LRCH3: variants seen among roughly 807,000 people sequenced by gnomAD.
LRCH3 encodes the protein DISP complex protein LRCH3.
LRCH3 carries 68 observed loss-of-function variants against 104.5 expected under a neutral mutation model. The observed-to-expected ratio is 0.65, with a 90% CI of 0.54 to 0.80. LRCH3 has a LOEUF of 0.80. Ranked by LOEUF, LRCH3 falls within the 30% of genes least tolerant of loss-of-function variation. LRCH3 has a pLI of 0.00. For missense variants in LRCH3, 951 were observed against 953.9 expected (o/e 1.00, Z 0.04); for synonymous variants, 344 against 361.3 (o/e 0.95, Z 0.54).
intron 5 of LRCH3, among the ~76,000 whole-genome samples, 171 bp downstream of exon 5, chr3:197,827,185 A>AGTGGAAGCATCAGGTAGACCATG (rs1735313681): frequency 1.3e-5 from 2 of 151,054 alleles, no homozygotes; most frequent in South Asian, 2.1e-4. Flanking sequence ...GGTAAACCAT[A>AGTGGAAGCATCAGGTAGACCATG]GTGGAAGCAT....
At chr3:197,815,325 C>T (rs528747524) in intron 2 of LRCH3, among the ~76,000 whole-genome samples, 2 of 152,256 alleles carry the variant, frequency 1.3e-5, no homozygotes, top group South Asian at 4.1e-4. Flanking sequence ...CATAATCCAC[C>T]AAACATTATA....
rs1318780913 is a variant in LRCH3 at position 197,854,542 on chromosome 3, A to C, written c.1644+97A>C. The C allele has an allele frequency of 8.8e-7, 1 of 1,135,288 alleles. No homozygotes were observed. The highest frequency in any genetic ancestry group is 2.4e-5 in the East Asian group (1 of 42,296). The allele number at this position is 1,135,288 out of a possible 1,614,324, so 70.3% of individuals were successfully genotyped here. ...CTAAATACCATAAAACATGATGAAC[A>C]TCATTACTAAATGCTTTATGAAGAA... On this transcript the variant is annotated intron_variant, in intron 14 of 20. Coordinates refer to ENST00000425562, the MANE Select transcript of LRCH3 (RefSeq NM_001365715.1). The surrounding 1 kb of genome is among the most constrained non-coding windows in gnomAD (Gnocchi z 4.5).
chr3:197,791,367 G>GC lies in LRCH3; in HGVS notation c.90dup (p.Gly31ArgfsTer106). ...GGAGGTAACCTCCCTGGTGTTCACT[G>GC]CGGCCCAAGCTCCGGGGCAGGCCCT... On this transcript the variant is annotated frameshift_variant, in exon 1 of 21. Transcript: ENST00000425562. LOFTEE classifies it high-confidence loss of function. 1.2e-6 allele frequency: 2 copies of GC among 1,602,448 alleles called. No individual in the cohort carries two copies. Among genetic ancestry groups the GC allele is most frequent in the Non-Finnish European group, 1.7e-6 (2 of 1,175,902 alleles).
chr3:197,844,679 G>A (rs144600076), intron 10 of LRCH3, among the ~76,000 whole-genome samples: 3 of 151,860 alleles, frequency 2.0e-5, no homozygotes, highest in East Asian at 3.9e-4. Context: ...GTGCAGTGGC[G>A]CGATCTTGAC....
At chr3:197,882,184 TGA>T in intron 20 of LRCH3, 2 of 985,438 alleles carry the variant, frequency 2.0e-6, no homozygotes, top group Non-Finnish European at 2.4e-6. Flanking sequence ...CACAGGCTTC[TGA>T]GTGTGAACAC....
chr3:197,851,631 C>T (rs1036190420), intron 12 of LRCH3, among the ~76,000 whole-genome samples: 1 of 152,120 alleles, frequency 6.6e-6, no homozygotes, highest in African/African-American at 2.4e-5. Context: ...TTAGGTTCCT[C>T]CTGTGTGTGA....
At chr3:197,865,621 C>G (rs995277201) in intron 16 of LRCH3, 150 bp downstream of exon 16, 1 of 464,670 alleles carries the variant, frequency 2.2e-6, no homozygotes, top group Admixed American at 4.1e-5. Flanking sequence ...CTGCCTTGTT[C>G]TCCCAAAGTG....
chr3:197,829,481 T>C lies in LRCH3; in HGVS notation c.778-83T>C, dbSNP rs1263117416. 14 of 777,774 alleles carry C rather than the reference T, an allele frequency of 1.8e-5. No individual in the cohort carries two copies. The Admixed American group carries it at 3.4e-4, about 19-fold the overall frequency. The allele number at this position is 777,774 out of a possible 1,614,324, so 48.2% of individuals were successfully genotyped here. On this transcript the variant is annotated intron_variant, in intron 5 of 20. Coordinates refer to ENST00000425562, the MANE Select transcript of LRCH3 (RefSeq NM_001365715.1). ...AGAAATGCCTCCCTTTCCCAATGTA[T>C]GTTACATAAAATGTTGATATGATAA...
chr3:197,820,405 A>G lies in LRCH3; in HGVS notation c.615A>G (p.Arg205=). The G allele has an allele frequency of 6.2e-7, 1 of 1,604,136 alleles. No homozygotes were observed. The highest frequency in any genetic ancestry group is 2.2e-5 in the East Asian group (1 of 44,814). ...CCTTGAGAGACCTTAATGTAAGAAGAAATCACCTAGTACATTTGCCTGAAG... is the reference window on the plus strand; with the variant it reads ...CCTTGAGAGACCTTAATGTAAGAAGGAATCACCTAGTACATTTGCCTGAAG... ...LEALRDLNVR[R]NHLVHLPEEL... is the part of the protein sequence containing the mutation. Residue 205 remains arginine (R), a synonymous_variant, in exon 4 of 21, where the codon AGA becomes AGG. Coordinates refer to ENST00000425562, the MANE Select transcript of LRCH3 (RefSeq NM_001365715.1).
In LRCH3 at chr3:197,813,522, T is replaced by C. The variant is rs1467205024; in HGVS notation, c.263-1386T>C. ...TGGGAGGCATATAATTTTTTTTTTT[T>C]TTTTTTTTTTTTTTTTTTTTTTTTT... On this transcript the variant is annotated intron_variant, in intron 1 of 20. Coordinates refer to ENST00000425562, the MANE Select transcript of LRCH3 (RefSeq NM_001365715.1). 9.3e-3 allele frequency among the ~76,000 whole-genome samples: 956 copies of C among 102,384 alleles called. 152 individuals are homozygous for C. The highest frequency in any genetic ancestry group is 0.04 in the African/African-American group (835 of 20,794). 67.2% of individuals were successfully genotyped at this position (102,384 alleles called of 152,430 possible).
At chr3:197,795,300 C>T (rs1374659298) in intron 1 of LRCH3, among the ~76,000 whole-genome samples, 1 of 152,158 alleles carries the variant, frequency 6.6e-6, no homozygotes, top group African/African-American at 2.4e-5. Flanking sequence ...AACCACCCCT[C>T]TCAGTTATAT....
At chr3:197,795,685 T>TG (rs1491357642) in intron 1 of LRCH3, among the ~76,000 whole-genome samples, 1 of 133,256 alleles carries the variant, frequency 7.5e-6, no homozygotes, top group African/African-American at 3.1e-5. Flanking sequence ...AAAAAGTTGT[T>TG]GTTTTTTTTT....
chr3:197,841,983 C>T (rs1351881654), intron 10 of LRCH3, among the ~76,000 whole-genome samples: 1 of 152,066 alleles, frequency 6.6e-6, no homozygotes, highest in Non-Finnish European at 1.5e-5. Context: ...CAGGCGTGTG[C>T]TACATACTCA....
chr3:197,837,036 T>G (rs1283205184), intron 9 of LRCH3, among the ~76,000 whole-genome samples: 2 of 152,158 alleles, frequency 1.3e-5, no homozygotes, highest in African/African-American at 4.8e-5. Flanking sequence ...TGAATACTTT[T>G]GAACACCGTA....
chr3:197,797,816 C>T (rs1286365776), intron 1 of LRCH3, among the ~76,000 whole-genome samples: 2 of 144,734 alleles, frequency 1.4e-5, no homozygotes, highest in South Asian at 2.2e-4. Context: ...GCTGAGATGG[C>T]GCCTCTGCAC....
At chr3:197,830,188 T>C (rs1426213930) in intron 6 of LRCH3, among the ~76,000 whole-genome samples, 1 of 152,164 alleles carries the variant, frequency 6.6e-6, no homozygotes, top group Non-Finnish European at 1.5e-5. Context: ...AATCTATGAG[T>C]CCCTCAGCTA....
intron 13 of LRCH3, among the ~76,000 whole-genome samples, chr3:197,853,357 T>C (rs746216481): frequency 6.6e-6 from 1 of 151,932 alleles, no homozygotes; most frequent in Non-Finnish European, 1.5e-5. Context: ...GCCTGGCTAA[T>C]TTTTGTATTT....
chr3:197,879,634 A>G (rs1482877185), intron 20 of LRCH3, among the ~76,000 whole-genome samples: 1 of 151,398 alleles, frequency 6.6e-6, no homozygotes, highest in Non-Finnish European at 1.5e-5. Context: ...ATAAAAAATA[A>G]AAAAATAAAA....
intron 1 of LRCH3, among the ~76,000 whole-genome samples, chr3:197,807,928 G>A (rs923154906): frequency 6.6e-6 from 1 of 151,964 alleles, no homozygotes; most frequent in Non-Finnish European, 1.5e-5. Flanking sequence ...TAAATATTTA[G>A]AATCACATCA....
Sources: allele counts gnomAD v4.1 joint callset (sites outside exome capture counted in the v4.1 genomes callset), GRCh38; gene constraint gnomAD v4.1.1; non-coding constraint Gnocchi (gnomAD v3.1); transcripts MANE v1.5; gene names NCBI Gene and HGNC (gene_info 2026-07-23, HGNC 2026-07-21).